MAK: variants seen among roughly 807,000 people sequenced by gnomAD.
The protein encoded by MAK is serine/threonine-protein kinase MAK.
In MAK, 65 loss-of-function variants were observed where a neutral mutation model predicts 82.6. That is an observed-to-expected ratio of 0.79 (90% CI 0.64 to 0.97). The LOEUF is 0.97. MAK is among the 50% of genes least tolerant of loss of function. The pLI, the probability that MAK is intolerant of heterozygous loss-of-function variation, is 0.00. For missense variants in MAK, 703 were observed against 780.2 expected, an observed-to-expected ratio of 0.90 and a Z score of 1.18; for synonymous variants, 250 against 274.2, an observed-to-expected ratio of 0.91 and a Z score of 0.87.
chr6:10,773,029 A>G lies in MAK; in HGVS notation c.1672+5T>C. Reference sequence around the variant, plus strand: ...AACTGCATTCATCTGACGCCCAGAAATTACCTTGTGGGTCCTCTAATTTTT... The same window carrying G: ...AACTGCATTCATCTGACGCCCAGAAGTTACCTTGTGGGTCCTCTAATTTTT... On this transcript the variant is annotated splice_donor_5th_base_variant and intron_variant, in intron 13 of 14. Transcript: ENST00000354489. 6.6e-7 allele frequency: 1 copy of G among 1,523,250 alleles called. No homozygotes were observed. 94.4% of individuals were successfully genotyped at this position (1,523,250 alleles called of 1,614,324 possible). A position where few individuals can be genotyped will look rare whatever the true frequency, so the allele number is the denominator to read the frequency against.
rs60627741 is a variant in MAK at position 10,817,129 on chromosome 6, A to AGTGTGTGTGTGT, written c.278+709_278+720dup. On this transcript the variant is annotated intron_variant, in intron 4 of 14. Transcript: ENST00000354489. ...GTAACATCCTCAGACCTTGAGCGAGAGTGTGTGTGTGTGTGTGTGTGTGTA... is the reference window on the plus strand; with the variant it reads ...GTAACATCCTCAGACCTTGAGCGAGAGTGTGTGTGTGTGTGTGTGTGTGTGTGTGTGTGTGTA... Among the ~76,000 whole-genome samples the AGTGTGTGTGTGT allele has an allele frequency of 3.6e-3, 533 of 149,946 alleles. 5 individuals are homozygous for AGTGTGTGTGTGT. Among genetic ancestry groups the AGTGTGTGTGTGT allele is most frequent in the South Asian group, 0.021 (100 of 4,756 alleles).
chr6:10,830,141 G>A (rs1426865681), intron 2 of MAK, among the ~76,000 whole-genome samples: 4 of 150,446 alleles, frequency 2.7e-5, no homozygotes, highest in African/African-American at 9.8e-5. Flanking sequence ...GTGTGTGTGT[G>A]TGTGTGTGTG....
intron 4 of MAK, among the ~76,000 whole-genome samples, chr6:10,815,223 A>G (rs541723963): frequency 6.6e-6 from 1 of 152,308 alleles, no homozygotes; most frequent in East Asian, 1.9e-4. Flanking sequence ...AGCTGACTGT[A>G]CCACTGTACT....
rs200154458 is a variant in MAK at position 10,764,169 on chromosome 6, C to G, written c.*283G>C. 48 of 335,610 alleles carry G rather than the reference C, an allele frequency of 1.4e-4. No homozygotes were observed. The East Asian group carries it at 2.3e-3, about 16-fold the overall frequency. 20.8% of individuals were successfully genotyped at this position (335,610 alleles called of 1,614,324 possible). A position where few individuals can be genotyped will look rare whatever the true frequency, so the allele number is the denominator to read the frequency against. On this transcript the variant is annotated 3_prime_UTR_variant, in exon 15 of 15. Coordinates refer to ENST00000354489, the MANE Select transcript of MAK (RefSeq NM_001242957.3). ...TTTTTAAGGGTTCTTATTGGATTTA[C>G]TATTTATTAAATTGTAGATCAAATA...
chr6:10,831,102 C>CAAAA (rs1581778654), intron 1 of MAK, among the ~76,000 whole-genome samples: 4 of 152,054 alleles, frequency 2.6e-5, no homozygotes, highest in African/African-American at 9.7e-5. Flanking sequence ...TATTTATGTT[C>CAAAA]AATAATGGCA....
At chr6:10,794,090 A>G (rs998140122) in intron 9 of MAK, among the ~76,000 whole-genome samples, 3 of 152,216 alleles carry the variant, frequency 2.0e-5, no homozygotes, top group South Asian at 2.1e-4. Flanking sequence ...GGCAGATAAT[A>G]TAAGGGCTAT....
chr6:10,828,455 A>C (rs1778542235), intron 2 of MAK, among the ~76,000 whole-genome samples: 1 of 151,782 alleles, frequency 6.6e-6, no homozygotes. Context: ...GTCCCCCAAA[A>C]CTCCTATATT....
intron 10 of MAK, among the ~76,000 whole-genome samples, chr6:10,791,261 T>A (rs1561955092): frequency 6.6e-6 from 1 of 152,028 alleles, no homozygotes; most frequent in Non-Finnish European, 1.5e-5. Flanking sequence ...ATTAAGCAAA[T>A]TTTTTTCTTT....
chr6:10,794,179 T>G (rs193136657), intron 9 of MAK, among the ~76,000 whole-genome samples: 101 of 152,302 alleles, frequency 6.6e-4, no homozygotes, highest in Admixed American at 5.6e-3. Flanking sequence ...TTTTACCCAG[T>G]ATTAAGGAAG....
chr6:10,815,091 C>G (rs1447669964), intron 4 of MAK, among the ~76,000 whole-genome samples: 1 of 151,124 alleles, frequency 6.6e-6, no homozygotes, highest in East Asian at 1.9e-4. Context: ...GTGTACTTAA[C>G]ATCATTTTTC....
chr6:10,772,890 G>A (rs1773142150), intron 13 of MAK, 144 bp downstream of exon 13: 1 of 524,806 alleles, frequency 1.9e-6, no homozygotes, highest in African/African-American at 1.9e-5. Context: ...GAGACAGAAT[G>A]CTTTTCTTTA....
intron 4 of MAK, among the ~76,000 whole-genome samples, chr6:10,815,264 T>C (rs1228776597): frequency 6.6e-6 from 1 of 152,206 alleles, no homozygotes; most frequent in Non-Finnish European, 1.5e-5. Flanking sequence ...AGACTATGCC[T>C]CTAAAACAAT....
Position 10,773,863 on chromosome 6 carries a change from T to G in MAK, c.1598-755A>C, listed in dbSNP as rs192102204. 8.3e-3 allele frequency among the ~76,000 whole-genome samples: 1,258 copies of G among 151,932 alleles called. 6 individuals carry two copies. The highest frequency in any genetic ancestry group is 0.016 in the African/African-American group (658 of 41,422). Reference sequence around the variant, plus strand: ...CATGCCACCATGCCTGGATTTTTTTTTGTGTGTGTGTATTTTTAGTAGAGA... The same window carrying G: ...CATGCCACCATGCCTGGATTTTTTTGTGTGTGTGTGTATTTTTAGTAGAGA... On this transcript the variant is annotated intron_variant, in intron 12 of 14. Coordinates refer to ENST00000354489, the MANE Select transcript of MAK (RefSeq NM_001242957.3).
In MAK at chr6:10,791,671, T is replaced by G; in HGVS notation, c.1316+4A>C. The G allele has an allele frequency of 1.9e-6, 3 of 1,612,078 alleles. No individual in the cohort carries two copies. Among genetic ancestry groups the G allele is most frequent in the Non-Finnish European group, 2.5e-6 (3 of 1,179,024 alleles). The stretch of plus-strand genomic sequence containing the variant: ...ATATTTTTCTGAGGAATTTGAAATC[T>G]TACCGAAATGGAGAATCTTTTTTCC... On this transcript the variant is annotated splice_donor_region_variant and intron_variant, in intron 10 of 14. Coordinates refer to ENST00000354489, the MANE Select transcript of MAK (RefSeq NM_001242957.3).
Position 10,792,110 on chromosome 6 carries a change from A to T in MAK, c.1144-263T>A, listed in dbSNP as rs576974688. 1.2e-4 allele frequency among the ~76,000 whole-genome samples: 18 copies of T among 150,720 alleles called. No homozygotes were observed. The South Asian group carries it at 3.8e-3, about 32-fold the overall frequency. ...TATTTAGGATCTGAGTTGACTCTTCATTGACAGGAAGGATCTGGAAACCTG... is the reference window on the plus strand; with the variant it reads ...TATTTAGGATCTGAGTTGACTCTTCTTTGACAGGAAGGATCTGGAAACCTG... On this transcript the variant is annotated intron_variant, in intron 9 of 14. Coordinates refer to ENST00000354489, the MANE Select transcript of MAK (RefSeq NM_001242957.3).
rs373520122 is a variant in MAK at position 10,803,868 on chromosome 6, A to C, written c.515T>G (p.Leu172Arg). 6.2e-7 allele frequency: 1 copy of C among 1,613,942 alleles called. No homozygotes were observed. The highest frequency in any genetic ancestry group is 1.1e-5 in the South Asian group (1 of 91,094). The stretch of plus-strand genomic sequence containing the variant: ...GGGAGAACTATAAACTGAAGATCTC[A>C]GTAAAACTTCAGGGGCACGATACCT... ...TRWYRAPEVLLRSSVYSSPID... is the reference protein window; with the variant it reads ...TRWYRAPEVLRRSSVYSSPID... Residue 172 changes from leucine (L) to arginine (R), a missense_variant, in exon 7 of 15, where the codon CTG becomes CGG. Coordinates refer to ENST00000354489, the MANE Select transcript of MAK (RefSeq NM_001242957.3).
rs540110307 is a variant in MAK at position 10,783,880 on chromosome 6, G to A, written c.1465+544C>T. On this transcript the variant is annotated intron_variant, in intron 11 of 14. Coordinates refer to ENST00000354489, the MANE Select transcript of MAK (RefSeq NM_001242957.3). ...CTAAAAATGCAAAAATTAGCCAGGC[G>A]TGGTGGCTCGCACCTGTAGTCCCAG... Among the ~76,000 whole-genome samples, 69 of 152,200 alleles carry A rather than the reference G, an allele frequency of 4.5e-4. No homozygotes were observed. The South Asian group carries it at 8.9e-3, about 20-fold the overall frequency.
chr6:10,804,119 G>C (rs1776226566), intron 6 of MAK, among the ~76,000 whole-genome samples: 1 of 152,098 alleles, frequency 6.6e-6, no homozygotes, highest in Non-Finnish European at 1.5e-5. Context: ...TCTATGAAAT[G>C]TCCATCAAGC....
At chr6:10,774,299 GTATTA>G (rs1278462556) in intron 12 of MAK, among the ~76,000 whole-genome samples, 1 of 151,980 alleles carries the variant, frequency 6.6e-6, no homozygotes. Context: ...AAAAAGTTGA[GTATTA>G]TATATTTTGA....
Sources: allele counts gnomAD v4.1 joint callset (sites outside exome capture counted in the v4.1 genomes callset), GRCh38; gene constraint gnomAD v4.1.1; transcripts MANE v1.5; gene names NCBI Gene and HGNC (gene_info 2026-07-23, HGNC 2026-07-21).